Variants in FYB1 observed in about 807,000 individuals in gnomAD.
FYB1 encodes FYN binding protein 1, also known as FYN-binding protein 1.
FYB1 carries 41 observed loss-of-function variants against 94.1 expected under a neutral mutation model. The observed-to-expected ratio is 0.44, with a 90% CI of 0.34 to 0.57. The LOEUF is 0.57. Ranked by LOEUF, FYB1 falls within the 20% of genes least tolerant of loss-of-function variation. The pLI, the probability that FYB1 is intolerant of heterozygous loss-of-function variation, is 0.02. For synonymous variants in FYB1, 367 were observed against 353.2 expected (o/e 1.04, Z -0.44); for missense variants, 1,050 against 976.8 (o/e 1.07, Z -1.00).
intron 1 of FYB1, among the ~76,000 whole-genome samples, chr5:39,229,113 A>T (rs1288499110): frequency 6.6e-6 from 1 of 152,106 alleles, no homozygotes; most frequent in Admixed American, 6.6e-5. Flanking sequence ...TCTTGGCCAG[A>T]ATGGGACTGG....
In FYB1 at chr5:39,126,105, AT is replaced by A. The variant is rs761138444; in HGVS notation, c.1937del (p.Asn646IlefsTer8). On this transcript the variant is annotated frameshift_variant, in exon 12 of 19. Transcript: ENST00000512982. LOFTEE classifies it high-confidence loss of function. ...TCTTCAAAATCCCCCAGGACCACGT[AT>A]TACTCTTCTCTTGAACCTGTAGTGT... ...GSTLQVQEKS[N>X]TWSWGILKML... 1 of 1,613,528 alleles carries A rather than the reference AT, an allele frequency of 6.2e-7. No homozygotes were observed. Among genetic ancestry groups the A allele is most frequent in the Non-Finnish European group, 8.5e-7 (1 of 1,179,650 alleles).
At chr5:39,164,528 G>A (rs188881903) in intron 2 of FYB1, among the ~76,000 whole-genome samples, 8 of 152,168 alleles carry the variant, frequency 5.3e-5, no homozygotes, top group Middle Eastern at 3.4e-3. Context: ...AGGTTCAAGC[G>A]ATTCTTCTGC....
intron 16 of FYB1, among the ~76,000 whole-genome samples, 168 bp downstream of exon 16, chr5:39,118,706 C>T (rs1350982842): frequency 6.6e-6 from 1 of 152,138 alleles, no homozygotes; most frequent in Non-Finnish European, 1.5e-5. Flanking sequence ...ACATTGGTTT[C>T]AGCACAGCAT....
intron 2 of FYB1, among the ~76,000 whole-genome samples, chr5:39,185,027 T>A (rs1160921964): frequency 6.6e-6 from 1 of 151,064 alleles, no homozygotes; most frequent in Non-Finnish European, 1.5e-5. Flanking sequence ...TTTAGTTAAC[T>A]TTAATTTTAG....
At chr5:39,132,970 C>T (rs1272477412) in intron 9 of FYB1, among the ~76,000 whole-genome samples, 1 of 152,178 alleles carries the variant, frequency 6.6e-6, no homozygotes, top group Non-Finnish European at 1.5e-5. Flanking sequence ...GATCTCCAAA[C>T]TCTAGTGCAT....
intron 16 of FYB1, among the ~76,000 whole-genome samples, chr5:39,116,265 A>G (rs1343144845): frequency 6.6e-6 from 1 of 152,194 alleles, no homozygotes; most frequent in Non-Finnish European, 1.5e-5. Flanking sequence ...CTTTACATAA[A>G]AAGCAACATG....
intron 2 of FYB1, chr5:39,169,423 T>A: frequency 1.3e-6 from 1 of 745,566 alleles, no homozygotes; most frequent in Non-Finnish European, 2.5e-6. Flanking sequence ...TCTGTGCCAT[T>A]AAAAAGAACA....
chr5:39,248,666 G>A (rs759539962), intron 1 of FYB1, among the ~76,000 whole-genome samples: 1 of 152,046 alleles, frequency 6.6e-6, no homozygotes, highest in East Asian at 1.9e-4. Flanking sequence ...GCGAAACCCC[G>A]TCTCTACTAA....
chr5:39,237,648 T>C (rs1236351215), intron 1 of FYB1, among the ~76,000 whole-genome samples: 1 of 152,098 alleles, frequency 6.6e-6, no homozygotes, highest in Non-Finnish European at 1.5e-5. Flanking sequence ...ATGACTACAA[T>C]ACTTCAAGAC....
chr5:39,232,061 T>A (rs1750766987), intron 1 of FYB1, among the ~76,000 whole-genome samples: 1 of 152,054 alleles, frequency 6.6e-6, no homozygotes. Flanking sequence ...TCTTGAGAAA[T>A]AGGTCAATGT....
At chr5:39,246,625 T>A (rs1052772778) in intron 1 of FYB1, among the ~76,000 whole-genome samples, 2 of 152,056 alleles carry the variant, frequency 1.3e-5, no homozygotes, top group Non-Finnish European at 2.9e-5. Context: ...GTTCTGAGAG[T>A]TGAAAGTGAC....
At chr5:39,265,027 G>A (rs1372963640) in intron 1 of FYB1, among the ~76,000 whole-genome samples, 1 of 152,200 alleles carries the variant, frequency 6.6e-6, no homozygotes, top group Non-Finnish European at 1.5e-5. Context: ...AGCCTCATCT[G>A]AGAACTTATT....
chr5:39,261,671 C>G (rs1391018037), intron 1 of FYB1, among the ~76,000 whole-genome samples: 2 of 152,096 alleles, frequency 1.3e-5, no homozygotes, highest in Non-Finnish European at 2.9e-5. Context: ...CACTTGAACC[C>G]AGGAGGCGGA....
intron 10 of FYB1, among the ~76,000 whole-genome samples, chr5:39,129,162 A>G (rs1350649170): frequency 6.6e-6 from 1 of 152,136 alleles, no homozygotes; most frequent in African/African-American, 2.4e-5. Flanking sequence ...TCACATATTT[A>G]TAGCCAACTG....
intron 1 of FYB1, among the ~76,000 whole-genome samples, chr5:39,230,485 G>T (rs1750671967): frequency 6.6e-6 from 1 of 151,978 alleles, no homozygotes; most frequent in Non-Finnish European, 1.5e-5. Flanking sequence ...ATAAATTTCT[G>T]TTGCTTTAGG....
At chr5:39,181,870 AT>A (rs1208926761) in intron 2 of FYB1, among the ~76,000 whole-genome samples, 5 of 151,766 alleles carry the variant, frequency 3.3e-5, no homozygotes, top group African/African-American at 9.7e-5. Flanking sequence ...TCCTTTTTTA[AT>A]TTTTTTTAAT....
chr5:39,118,777 GAGTT>G lies in FYB1; in HGVS notation c.2401+93_2401+96del, dbSNP rs1377598426. On this transcript the variant is annotated intron_variant, in intron 16 of 18. Coordinates refer to ENST00000512982, the MANE Select transcript of FYB1 (RefSeq NM_001465.6). ...AAGGATAGGGCAAAAAGATAGATAA[GAGTT>G]AGTAAACACAGAGTAGTCACTAAAA... 10 of 709,032 alleles carry G rather than the reference GAGTT, an allele frequency of 1.4e-5. No individual in the cohort carries two copies. In the South Asian group the frequency reaches 2.9e-4, roughly 21 times the overall value. The allele number at this position is 709,032 out of a possible 1,614,324, so 43.9% of individuals were successfully genotyped here. A position where few individuals can be genotyped will look rare whatever the true frequency, so the allele number is the denominator to read the frequency against.
At chr5:39,261,337 G>GACACACACAC (rs57277521) in intron 1 of FYB1, among the ~76,000 whole-genome samples, 3,243 of 133,776 alleles carry the variant, frequency 0.024, 65 homozygotes, top group South Asian at 0.049. Flanking sequence ...TGTAGATTAA[G>GACACACACAC]ACACACACAC....
At chr5:39,140,744 G>T (rs956880295) in intron 4 of FYB1, among the ~76,000 whole-genome samples, 1 of 152,184 alleles carries the variant, frequency 6.6e-6, no homozygotes, top group Non-Finnish European at 1.5e-5. Context: ...ACACACACAT[G>T]GTGATATGAA....
Sources: gnomAD v4.1 joint callset for allele counts (sites outside exome capture counted in the v4.1 genomes callset) on GRCh38, gnomAD v4.1.1 for gene constraint, MANE v1.5 for transcripts, NCBI Gene and HGNC (gene_info 2026-07-23, HGNC 2026-07-21) for gene names.